CHCHD3: variants seen among roughly 807,000 people sequenced by gnomAD.
The protein encoded by CHCHD3 is MICOS complex subunit MIC19.
A neutral mutation model predicts 38.2 loss-of-function variants in CHCHD3; 20 were observed. The observed-to-expected ratio is 0.52, with a 90% CI of 0.37 to 0.76. The LOEUF is 0.76. Among genes scored for constraint, CHCHD3 ranks in the 30% least tolerant of loss-of-function variants. The probability of loss-of-function intolerance (pLI) is 0.00; values close to 1 mark genes in which losing one functional copy is unlikely to be tolerated. For missense variants in CHCHD3, 245 were observed against 279.2 expected (o/e 0.88, Z 0.87); for synonymous variants, 82 against 100.0 (o/e 0.82, Z 1.07).
At chr7:132,865,893 C>T (rs1342993553) in intron 5 of CHCHD3, among the ~76,000 whole-genome samples, 1 of 152,170 alleles carries the variant, frequency 6.6e-6, no homozygotes, top group Non-Finnish European at 1.5e-5. Flanking sequence ...TGGGTCGTGA[C>T]TGCCCTCAGC....
At chr7:132,902,012 T>C (rs963745738) in intron 4 of CHCHD3, among the ~76,000 whole-genome samples, 1 of 152,162 alleles carries the variant, frequency 6.6e-6, no homozygotes, top group African/African-American at 2.4e-5. Flanking sequence ...TTGTATAAGG[T>C]GTAAGGAAGG....
At position 132,986,928 on chromosome 7, in the gene CHCHD3, G is replaced by C. The variant is rs148400771; in HGVS notation, c.252-11642C>G. Among the ~76,000 whole-genome samples the C allele has an allele frequency of 1.3e-3, 200 of 152,108 alleles. 4 individuals carry two copies. In the East Asian group the frequency reaches 0.033, roughly 25 times the overall value. ...AGCCTCATAGGGAAAAGATAAACAC[G>C]AGCTGCCAGTCTTTTGGTTGTACAA... On this transcript the variant is annotated intron_variant, in intron 3 of 7. Transcript: ENST00000262570.
At chr7:133,017,494 A>C (rs1013140064) in intron 3 of CHCHD3, among the ~76,000 whole-genome samples, 1 of 152,230 alleles carries the variant, frequency 6.6e-6, no homozygotes, top group Non-Finnish European at 1.5e-5. Flanking sequence ...GCTATATAAC[A>C]CTGAGAAACC....
rs1316569247 is a variant in CHCHD3, at chr7:132,973,132, A to G, written c.369+2037T>C. 3 of 985,322 alleles carry G rather than the reference A, an allele frequency of 3.0e-6. 1 individual carries two copies. The highest frequency in any genetic ancestry group is 9.4e-5 in the South Asian group (2 of 21,292). The allele number at this position is 985,322 out of a possible 1,614,324, so 61.0% of individuals were successfully genotyped here. A position where few individuals can be genotyped will look rare whatever the true frequency, so the allele number is the denominator to read the frequency against. On this transcript the variant is annotated intron_variant, in intron 4 of 7. Coordinates refer to ENST00000262570, the MANE Select transcript of CHCHD3 (RefSeq NM_017812.4). Reference sequence around the variant, plus strand: ...GAATCTTGCTGGTCTCCATAAACTAAGAGAGTAAGACAGTATGTCCAAATT... The same window carrying G: ...GAATCTTGCTGGTCTCCATAAACTAGGAGAGTAAGACAGTATGTCCAAATT...
intron 5 of CHCHD3, among the ~76,000 whole-genome samples, chr7:132,883,247 T>A (rs1047636095): frequency 6.6e-5 from 10 of 152,190 alleles, no homozygotes; most frequent in African/African-American, 2.4e-4. Context: ...GCTCTAGGTA[T>A]AGAAGTAAAA....
intron 3 of CHCHD3, among the ~76,000 whole-genome samples, chr7:132,985,000 C>A: frequency 1.4e-5 from 1 of 73,708 alleles, no homozygotes; most frequent in Non-Finnish European, 2.8e-5. Context: ...CTCTGCCCGG[C>A]CAGCCGCCCC....
intron 3 of CHCHD3, among the ~76,000 whole-genome samples, chr7:133,018,437 T>C (rs1813086486): frequency 6.6e-6 from 1 of 152,256 alleles, no homozygotes; most frequent in Non-Finnish European, 1.5e-5. Context: ...GACTGCTAAC[T>C]GATCTCATAA....
At chr7:132,934,952 A>G (rs537525821) in intron 4 of CHCHD3, among the ~76,000 whole-genome samples, 1 of 152,218 alleles carries the variant, frequency 6.6e-6, no homozygotes, top group Non-Finnish European at 1.5e-5. Context: ...TTTGTACTTC[A>G]GTTTCCTTCA....
intron 2 of CHCHD3, among the ~76,000 whole-genome samples, chr7:133,038,474 G>C (rs1167511682): frequency 3.3e-5 from 5 of 152,202 alleles, no homozygotes; most frequent in Admixed American, 3.3e-4. Context: ...AGGTAGAAAA[G>C]AGAGGAAATG....
intron 4 of CHCHD3, among the ~76,000 whole-genome samples, chr7:132,974,203 A>G (rs1323307876): frequency 2.0e-5 from 3 of 152,216 alleles, no homozygotes; most frequent in Non-Finnish European, 4.4e-5. Context: ...AAAGCCTAGA[A>G]AAAAATAATC....
Position 132,882,003 on chromosome 7 carries a change from G to A in CHCHD3, c.453+3659C>T, listed in dbSNP as rs201794504. ...TAACAAACAAAAACAGGACTGTACA[G>A]AAATGTGCAAAAGACACAAGGAAGT... On this transcript the variant is annotated intron_variant, in intron 5 of 7. Transcript: ENST00000262570. Among the ~76,000 whole-genome samples, 13 of 152,250 alleles carry A rather than the reference G, an allele frequency of 8.5e-5. No individual in the cohort carries two copies. The East Asian group carries it at 2.5e-3, about 29-fold the overall frequency.
chr7:133,001,196 C>T (rs551714460), intron 3 of CHCHD3, among the ~76,000 whole-genome samples: 1 of 152,306 alleles, frequency 6.6e-6, no homozygotes, highest in African/African-American at 2.4e-5. Context: ...CTTAAAATTA[C>T]ATATTTGTGT....
At chr7:132,822,761 A>G (rs563230100) in intron 6 of CHCHD3, among the ~76,000 whole-genome samples, 6 of 152,272 alleles carry the variant, frequency 3.9e-5, no homozygotes, top group Admixed American at 1.3e-4. Flanking sequence ...GGGTTTAGGT[A>G]TGAGTTTGTT....
intron 2 of CHCHD3, chr7:133,034,816 TGCTATTGTTG>T: frequency 6.2e-7 from 1 of 1,611,960 alleles, no homozygotes; most frequent in Non-Finnish European, 8.5e-7. Context: ...GAAATGGAGC[TGCTATTGTTG>T]GTTCCAAAAA....
intron 2 of CHCHD3, among the ~76,000 whole-genome samples, chr7:133,047,461 T>C (rs1321350287): frequency 6.6e-6 from 1 of 152,196 alleles, no homozygotes; most frequent in Admixed American, 6.5e-5. Context: ...AAGATGCAAA[T>C]GTGGTATATC....
At chr7:132,807,197 C>T (rs1346193835) in intron 6 of CHCHD3, among the ~76,000 whole-genome samples, 2 of 152,120 alleles carry the variant, frequency 1.3e-5, no homozygotes, top group Non-Finnish European at 2.9e-5. Flanking sequence ...TGGGGGAGGC[C>T]CCGCTGCCTG....
intron 2 of CHCHD3, among the ~76,000 whole-genome samples, chr7:133,051,324 G>A (rs965611668): frequency 6.6e-5 from 10 of 152,142 alleles, no homozygotes; most frequent in Admixed American, 2.0e-4. Context: ...AGCAAACAGC[G>A]CGGGGAGATA....
At chr7:132,863,124 C>T (rs994203004) in intron 5 of CHCHD3, among the ~76,000 whole-genome samples, 1 of 152,166 alleles carries the variant, frequency 6.6e-6, no homozygotes, top group Non-Finnish European at 1.5e-5. Flanking sequence ...GGAAGGTTTT[C>T]AATGTACTTT....
rs188566195 is a variant in CHCHD3 at position 133,058,795 on chromosome 7, A to G, written c.169+11347T>C. On this transcript the variant is annotated intron_variant, in intron 2 of 7. Transcript: ENST00000262570. ...CATTATACGCATTCCCTGTGACTGT[A>G]GCACACGGTGATGAGGTGAAAAGGA... is the stretch of plus-strand genomic sequence containing the variant. Among the ~76,000 whole-genome samples, 18 of 152,354 alleles carry G rather than the reference A, an allele frequency of 1.2e-4. No homozygotes were observed. The East Asian group carries it at 2.9e-3, about 24-fold the overall frequency.
Sources: gnomAD v4.1 joint callset for allele counts (sites outside exome capture counted in the v4.1 genomes callset) on GRCh38, gnomAD v4.1.1 for gene constraint, MANE v1.5 for transcripts, NCBI Gene and HGNC (gene_info 2026-07-23, HGNC 2026-07-21) for gene names.